The following SYTL3 variants were observed in gnomAD, a reference collection of about 807,000 sequenced individuals.
SYTL3 encodes synaptotagmin-like protein 3.
A neutral mutation model predicts 82.1 loss-of-function variants in SYTL3; 88 were observed. That is an observed-to-expected ratio of 1.07 (90% CI 0.90 to 1.28). SYTL3 has a LOEUF of 1.28. Among genes scored for constraint, SYTL3 ranks in the 50% most tolerant of loss-of-function variants. The probability of loss-of-function intolerance (pLI) is 0.00; values close to 1 mark genes in which losing one functional copy is unlikely to be tolerated. For missense variants in SYTL3, 831 were observed against 757.6 expected, an observed-to-expected ratio of 1.10 and a Z score of -1.14; for synonymous variants, 311 against 289.4, an observed-to-expected ratio of 1.07 and a Z score of -0.76.
intron 11 of SYTL3, among the ~76,000 whole-genome samples, chr6:158,735,913 T>C (rs969170183): frequency 2.6e-5 from 4 of 152,244 alleles, no homozygotes; most frequent in Non-Finnish European, 5.9e-5. Flanking sequence ...CAGAAGCTTT[T>C]ACTTGTTCTC....
chr6:158,707,294 A>C lies in SYTL3; in HGVS notation c.446+13A>C. 6.2e-7 allele frequency: 1 copy of C among 1,613,566 alleles called. No individual in the cohort carries two copies. On this transcript the variant is annotated intron_variant, in intron 7 of 17. Coordinates refer to ENST00000611299, the MANE Select transcript of SYTL3 (RefSeq NM_001242394.2). ...ATCAGAAGCTGAGGTGAGTGTTACA[A>C]AGGACAGACCGTCCCTGGCCCTCCG... is the stretch of plus-strand genomic sequence containing the variant.
At chr6:158,650,178 T>G (rs1339486807) in intron 1 of SYTL3, 100 bp downstream of exon 1, 1 of 152,158 alleles carries the variant, frequency 6.6e-6, no homozygotes, top group Non-Finnish European at 1.5e-5. Context: ...TTCTTAAATT[T>G]ATGACATTGA....
chr6:158,660,466 C>T (rs1236196401), intron 2 of SYTL3, among the ~76,000 whole-genome samples: 1 of 152,252 alleles, frequency 6.6e-6, no homozygotes, highest in East Asian at 1.9e-4. Context: ...CCCACACTTG[C>T]ACCTGGGGCC....
chr6:158,653,628 C>G (rs1019347237), intron 2 of SYTL3, among the ~76,000 whole-genome samples: 2 of 152,194 alleles, frequency 1.3e-5, no homozygotes, highest in South Asian at 4.1e-4. Flanking sequence ...GGTGGCTGCA[C>G]GCTGAAGCTG....
At position 158,724,672 on chromosome 6, in the gene SYTL3, G is replaced by C. The variant is rs189584859; in HGVS notation, c.721-831G>C. Among the ~76,000 whole-genome samples, 997 of 152,368 alleles carry C rather than the reference G, an allele frequency of 6.5e-3. 5 individuals carry two copies. The highest frequency in any genetic ancestry group is 0.01 in the Non-Finnish European group (702 of 68,034). ...GATTTCAATTAATTTAAGTAGTCATGTGTGGCTAGTGACTACCATATTGGA... is the reference window on the plus strand; with the variant it reads ...GATTTCAATTAATTTAAGTAGTCATCTGTGGCTAGTGACTACCATATTGGA... On this transcript the variant is annotated intron_variant, in intron 10 of 17. Coordinates refer to ENST00000611299, the MANE Select transcript of SYTL3 (RefSeq NM_001242394.2).
intron 2 of SYTL3, among the ~76,000 whole-genome samples, chr6:158,652,605 C>T (rs769198798): frequency 4.0e-5 from 6 of 151,806 alleles, no homozygotes; most frequent in East Asian, 1.9e-4. Flanking sequence ...AGTGCAATGG[C>T]GCGATCTCAG....
chr6:158,683,863 A>G (rs1779003840), intron 6 of SYTL3, among the ~76,000 whole-genome samples: 1 of 152,246 alleles, frequency 6.6e-6, no homozygotes, highest in African/African-American at 2.4e-5. Context: ...TGTTGCGGTA[A>G]TATGGGTGGA....
intron 6 of SYTL3, 101 bp downstream of exon 6, chr6:158,683,090 G>A: frequency 1.2e-6 from 1 of 804,446 alleles, no homozygotes; most frequent in Non-Finnish European, 2.1e-6. Context: ...GATGGGTGTA[G>A]TCTGCGGGCC....
At chr6:158,672,968 G>A (rs1001231678) in intron 5 of SYTL3, among the ~76,000 whole-genome samples, 5 of 151,968 alleles carry the variant, frequency 3.3e-5, no homozygotes, top group Admixed American at 1.3e-4. Flanking sequence ...GTGTCACTCC[G>A]TCACCCAGGC....
intron 8 of SYTL3, among the ~76,000 whole-genome samples, chr6:158,711,870 T>A (rs1244131208): frequency 6.6e-6 from 1 of 152,192 alleles, no homozygotes; most frequent in East Asian, 1.9e-4. Flanking sequence ...CTTGTTGCCA[T>A]CTTGGTTTTG....
rs113208528 is a variant in SYTL3, at chr6:158,761,377, A to G, written c.1414+632A>G. On this transcript the variant is annotated intron_variant, in intron 15 of 17. Transcript: ENST00000611299. ...GAGTGCAGTGGCCCGATCTTGGCTC[A>G]CTGCAAGCTTCGCCTCCCTGATTCA... Among the ~76,000 whole-genome samples the G allele has an allele frequency of 1.2e-4, 16 of 133,890 alleles. 1 individual carries two copies. Among genetic ancestry groups the G allele is most frequent in the Middle Eastern group, 5.4e-3 (1 of 186 alleles). 87.8% of individuals were successfully genotyped at this position (133,890 alleles called of 152,430 possible). A position where few individuals can be genotyped will look rare whatever the true frequency, so the allele number is the denominator to read the frequency against.
At position 158,718,209 on chromosome 6, in the gene SYTL3, A is replaced by C; in HGVS notation, c.718A>C (p.Arg240=). The change falls in exon 10 of 18, where the codon AGG becomes CGG. Residue 240 remains arginine (R), a splice_region_variant and synonymous_variant. Transcript: ENST00000611299. Reference sequence around the variant, plus strand: ...TGACACTGCGGTCAACGTCACCACCAGGGTACCCTGAGCCCCACAAGGCCT... The same window carrying C: ...TGACACTGCGGTCAACGTCACCACCCGGGTACCCTGAGCCCCACAAGGCCT... ...QSDTAVNVTT[R]KVSAPDILKP... 6.5e-7 allele frequency: 1 copy of C among 1,529,944 alleles called. No individual in the cohort carries two copies. Among genetic ancestry groups the C allele is most frequent in the South Asian group, 1.2e-5 (1 of 81,244 alleles). 94.8% of individuals were successfully genotyped at this position (1,529,944 alleles called of 1,614,324 possible). A position where few individuals can be genotyped will look rare whatever the true frequency, so the allele number is the denominator to read the frequency against.
chr6:158,762,050 A>G (rs2128553668), intron 15 of SYTL3, 26 bp from the exon 16 acceptor site: 1 of 1,553,034 alleles, frequency 6.4e-7, no homozygotes, highest in Admixed American at 1.7e-5. Flanking sequence ...ACATGGTTTG[A>G]CAGTGAATAC....
rs567032468 is a variant in SYTL3 at position 158,733,484 on chromosome 6, G to A, written c.855+7847G>A. 3.9e-5 allele frequency among the ~76,000 whole-genome samples: 6 copies of A among 151,948 alleles called. No individual in the cohort carries two copies. In the South Asian group the frequency reaches 1.0e-3, roughly 26 times the overall value. On this transcript the variant is annotated intron_variant, in intron 11 of 17. Coordinates refer to ENST00000611299, the MANE Select transcript of SYTL3 (RefSeq NM_001242394.2). Reference sequence around the variant, plus strand: ...TGGAACCACAGGTGCCCGCCACCACGCCCGGCTAATTTTTCTGTATTTTCA... The same window carrying A: ...TGGAACCACAGGTGCCCGCCACCACACCCGGCTAATTTTTCTGTATTTTCA...
chr6:158,682,377 T>TTTTTTG (rs1778798211), intron 5 of SYTL3, among the ~76,000 whole-genome samples: 1 of 148,252 alleles, frequency 6.7e-6, no homozygotes. Context: ...TTTTTTTTTT[T>TTTTTTG]GAGACGGAGT....
chr6:158,698,490 C>A (rs1780805813), intron 6 of SYTL3, among the ~76,000 whole-genome samples: 1 of 150,978 alleles, frequency 6.6e-6, no homozygotes, highest in African/African-American at 2.4e-5. Flanking sequence ...TTTTTTAGGT[C>A]AAACTTTTAG....
At chr6:158,674,834 G>A (rs889915170) in intron 5 of SYTL3, among the ~76,000 whole-genome samples, 6 of 152,060 alleles carry the variant, frequency 3.9e-5, no homozygotes, top group Non-Finnish European at 7.3e-5. Context: ...GTTTAATATT[G>A]ATCATTTTAG....
chr6:158,749,055 C>G (rs1788020834), intron 12 of SYTL3, among the ~76,000 whole-genome samples: 1 of 150,576 alleles, frequency 6.6e-6, no homozygotes, highest in African/African-American at 2.4e-5. Flanking sequence ...AACCCCGTCT[C>G]TACTAAAAAT....
At chr6:158,757,766 G>C (rs1417790314) in intron 14 of SYTL3, among the ~76,000 whole-genome samples, 1 of 152,220 alleles carries the variant, frequency 6.6e-6, no homozygotes. Flanking sequence ...ACAGTGTGTT[G>C]TTTCTAACCT....
Sources: allele counts gnomAD v4.1 joint callset (sites outside exome capture counted in the v4.1 genomes callset), GRCh38; gene constraint gnomAD v4.1.1; transcripts MANE v1.5; gene names NCBI Gene and HGNC (gene_info 2026-07-23, HGNC 2026-07-21).